Variants in PYROXD2 observed in about 807,000 individuals in gnomAD.
PYROXD2 encodes the protein pyridine nucleotide-disulfide oxidoreductase domain-containing protein 2.
A neutral mutation model predicts 71.1 loss-of-function variants in PYROXD2; 69 were observed. That is an observed-to-expected ratio of 0.97 (90% CI 0.80 to 1.19). The LOEUF is 1.19. Among genes scored for constraint, PYROXD2 ranks in the 50% most tolerant of loss-of-function variants. The pLI, the probability that PYROXD2 is intolerant of heterozygous loss-of-function variation, is 0.00. For missense variants in PYROXD2, 745 were observed against 748.9 expected (o/e 0.99, Z 0.06); for synonymous variants, 287 against 302.7 (o/e 0.95, Z 0.54).
intron 4 of PYROXD2, among the ~76,000 whole-genome samples, chr10:98,401,894 T>G (rs141522606): frequency 3.9e-5 from 6 of 152,130 alleles, no homozygotes; most frequent in Non-Finnish European, 7.3e-5. Flanking sequence ...TGTTTGACAG[T>G]GAATTTTTTA....
rs1300018484 is a variant in PYROXD2 at position 98,407,176 on chromosome 10, AAGTCCCC to A, written c.315+399_315+405del. On this transcript the variant is annotated intron_variant, in intron 4 of 15. Transcript: ENST00000370575. ...CTTCCAAAAAGCCCGGGAGCCAGAA[AAGTCCCC>A]AGGCCCCACTTCCTGCTCCAGCTGC... Among the ~76,000 whole-genome samples the A allele has an allele frequency of 2.0e-5, 3 of 152,098 alleles. No individual in the cohort carries two copies. The East Asian group carries it at 5.8e-4, about 29-fold the overall frequency.
In PYROXD2 at chr10:98,393,087, T is replaced by A. The variant is rs1361748147; in HGVS notation, c.786-4A>T. 1 of 1,536,220 alleles carries A rather than the reference T, an allele frequency of 6.5e-7. No individual in the cohort carries two copies. The highest frequency in any genetic ancestry group is 8.7e-7 in the Non-Finnish European group (1 of 1,150,600). The stretch of plus-strand genomic sequence containing the variant: ...CACATGGTGCAGCAGCACATACCTG[T>A]GGACAGACCATCCGACTCAGATCCT... On this transcript the variant is annotated splice_polypyrimidine_tract_variant and splice_region_variant and intron_variant, in intron 8 of 15. Transcript: ENST00000370575.
At chr10:98,413,805 C>T (rs886487722) in intron 1 of PYROXD2, 3 of 152,132 alleles carry the variant, frequency 2.0e-5, no homozygotes, top group Non-Finnish European at 2.9e-5. Flanking sequence ...ATTTGTTTCA[C>T]GATCATCCTA....
In PYROXD2 at chr10:98,383,877, GA is replaced by G; in HGVS notation, c.1676-10del. 6.2e-7 allele frequency: 1 copy of G among 1,612,138 alleles called. No homozygotes were observed. Among genetic ancestry groups the G allele is most frequent in the Non-Finnish European group, 8.5e-7 (1 of 1,178,732 alleles). ...TCCCATCACACCTCCTCCTGGAAGGGAATCTCCTATGAACCAAAGCTCCGCT... is the reference window on the plus strand; with the variant it reads ...TCCCATCACACCTCCTCCTGGAAGGGATCTCCTATGAACCAAAGCTCCGCT... On this transcript the variant is annotated splice_polypyrimidine_tract_variant and intron_variant, in intron 15 of 15. Transcript: ENST00000370575.
At position 98,387,261 on chromosome 10, in the gene PYROXD2, C is replaced by G; in HGVS notation, c.1494G>C (p.Val498=). 6.2e-7 allele frequency: 1 copy of G among 1,614,106 alleles called. No homozygotes were observed. Among genetic ancestry groups the G allele is most frequent in the Non-Finnish European group, 8.5e-7 (1 of 1,179,996 alleles). Reference sequence around the variant, plus strand: ...GTGGTGTGAGGATGTCTCTGCCAACCACAGAGTCCTTGAAGCCAGGGGCAT... The same window carrying G: ...GTGGTGTGAGGATGTCTCTGCCAACGACAGAGTCCTTGAAGCCAGGGGCAT... ...EVYAPGFKDS[V]VGRDILTPPD... Residue 498 remains valine, a synonymous_variant, in exon 14 of 16, where the codon GTG becomes GTC. Transcript: ENST00000370575.
At chr10:98,405,163 G>A (rs1490701013) in intron 4 of PYROXD2, among the ~76,000 whole-genome samples, 1 of 152,170 alleles carries the variant, frequency 6.6e-6, no homozygotes, top group Non-Finnish European at 1.5e-5. Flanking sequence ...ATCATCCAGC[G>A]CAGGGCCGCT....
At chr10:98,393,142 C>CT in intron 8 of PYROXD2, 59 bp from the exon 9 acceptor site, 1 of 1,308,610 alleles carries the variant, frequency 7.6e-7, no homozygotes, top group Non-Finnish European at 1.0e-6. Flanking sequence ...CCCAGAGTTC[C>CT]AGGTGCAACT....
At chr10:98,398,713 C>T (rs7920352) in intron 5 of PYROXD2, among the ~76,000 whole-genome samples, 8,840 of 152,160 alleles carry the variant, frequency 0.058, 806 homozygotes, top group African/African-American at 0.2. Flanking sequence ...CCTGCAGGCC[C>T]GGGGACCTGG....
intron 6 of PYROXD2, among the ~76,000 whole-genome samples, chr10:98,396,519 G>A (rs1017860171): frequency 6.6e-6 from 1 of 152,176 alleles, no homozygotes; most frequent in African/African-American, 2.4e-5. Flanking sequence ...TACCCTCAAG[G>A]AGGGTAGAAA....
At chr10:98,414,899 C>T in intron 1 of PYROXD2, 110 bp downstream of exon 1, 1 of 1,473,494 alleles carries the variant, frequency 6.8e-7, no homozygotes. Flanking sequence ...CTGGGTTATG[C>T]CAGAGGAGAG....
chr10:98,414,262 T>C (rs1174487559), intron 1 of PYROXD2: 1 of 152,152 alleles, frequency 6.6e-6, no homozygotes. Context: ...TATCTCTGTA[T>C]AGACCCAGTT....
intron 9 of PYROXD2, 127 bp downstream of exon 9, chr10:98,392,815 G>T: frequency 1.6e-6 from 2 of 1,217,494 alleles, no homozygotes; most frequent in Non-Finnish European, 2.4e-6. Context: ...TTAATCTCTT[G>T]ATTCTGCAAC....
chr10:98,385,159 A>G (rs985488450), intron 14 of PYROXD2, 92 bp from the exon 15 acceptor site: 1 of 1,500,592 alleles, frequency 6.7e-7, no homozygotes, highest in African/African-American at 1.4e-5. Flanking sequence ...TCTTCAGCAA[A>G]TGTTCTTCTC....
intron 8 of PYROXD2, among the ~76,000 whole-genome samples, chr10:98,393,478 G>C (rs1014525010): frequency 6.6e-6 from 1 of 152,146 alleles, no homozygotes; most frequent in Middle Eastern, 3.4e-3. Context: ...CCCAGTGAAC[G>C]GCACCTTTCA....
chr10:98,400,525 C>T (rs574558086), intron 4 of PYROXD2, among the ~76,000 whole-genome samples: 4 of 152,190 alleles, frequency 2.6e-5, no homozygotes, highest in African/African-American at 7.2e-5. Flanking sequence ...ATACACCACG[C>T]CATGCCATGC....
Position 98,407,568 on chromosome 10 carries a change from C to CG in PYROXD2, c.315+13dup, listed in dbSNP as rs751763878. Reference sequence around the variant, plus strand: ...TCCTCCCTCCGTGCAATCGGGCCGGCGGGGGGGCCCTACCTTCAGCTCCAG... The same window carrying CG: ...TCCTCCCTCCGTGCAATCGGGCCGGCGGGGGGGGCCCTACCTTCAGCTCCAG... On this transcript the variant is annotated intron_variant, in intron 4 of 15. Coordinates refer to ENST00000370575, the MANE Select transcript of PYROXD2 (RefSeq NM_032709.3). The CG allele has an allele frequency of 3.1e-5, 50 of 1,612,532 alleles. No homozygotes were observed. Among genetic ancestry groups the CG allele is most frequent in the African/African-American group, 5.3e-5 (4 of 74,876 alleles).
intron 12 of PYROXD2, among the ~76,000 whole-genome samples, chr10:98,389,344 C>T (rs1008743960): frequency 5.9e-5 from 9 of 152,206 alleles, no homozygotes; most frequent in African/African-American, 2.2e-4. Context: ...TTCCCCTGCC[C>T]CCACCCTTGT....
intron 4 of PYROXD2, among the ~76,000 whole-genome samples, chr10:98,406,767 C>T (rs997535284): frequency 6.6e-6 from 1 of 151,712 alleles, no homozygotes; most frequent in Non-Finnish European, 1.5e-5. Flanking sequence ...GTGGTAGCGC[C>T]TATAGTCCCA....
chr10:98,390,790 C>T, intron 11 of PYROXD2, 36 bp from the exon 12 acceptor site: 1 of 1,543,852 alleles, frequency 6.5e-7, no homozygotes, highest in Non-Finnish European at 8.7e-7. Context: ...GTCTTAGCCC[C>T]ACAAGGTCCT....
Sources: allele counts gnomAD v4.1 joint callset (sites outside exome capture counted in the v4.1 genomes callset), GRCh38; gene constraint gnomAD v4.1.1; transcripts MANE v1.5; gene names NCBI Gene and HGNC (gene_info 2026-07-23, HGNC 2026-07-21).